CACNA1S: variants seen among roughly 807,000 people sequenced by gnomAD.
CACNA1S encodes calcium voltage-gated channel subunit alpha1 S.
CACNA1S carries 126 observed loss-of-function variants against 207.4 expected under a neutral mutation model. The observed-to-expected ratio is 0.61, with a 90% CI of 0.53 to 0.70. The LOEUF (loss-of-function observed/expected upper bound fraction) is 0.70, where lower values mean the gene tolerates loss of function less well. Ranked by LOEUF, CACNA1S falls within the 30% of genes least tolerant of loss-of-function variation. The pLI, the probability that CACNA1S is intolerant of heterozygous loss-of-function variation, is 0.00. For synonymous variants in CACNA1S, 960 were observed against 932.7 expected, an observed-to-expected ratio of 1.03 and a Z score of -0.53; for missense variants, 2,349 against 2,422.8, an observed-to-expected ratio of 0.97 and a Z score of 0.64.
At position 201,077,895 on chromosome 1, in the gene CACNA1S, T is replaced by C. The variant is rs1196609043; in HGVS notation, c.1603A>G (p.Ile535Val). The change falls in exon 11 of 44, where the codon ATC (isoleucine) becomes GTC (valine). Residue 535 changes from isoleucine (I) to valine (V), a missense_variant. Physicochemically the swap from Ile to Val is conservative, Grantham distance 29 (BLOSUM62 3). Coordinates refer to ENST00000362061, the MANE Select transcript of CACNA1S (RefSeq NM_000069.3). ...SVLRCIRLLR[I>V]FKITKYWTSL... ...GGCACTCACTTGGTGATCTTGAAGA[T>C]CCTCAGGAGGCGGATGCAGCGGAGC... 1 of 1,613,814 alleles carries C rather than the reference T, an allele frequency of 6.2e-7. No individual in the cohort carries two copies.
chr1:201,096,874 G>C (rs6677721), intron 2 of CACNA1S, among the ~76,000 whole-genome samples: 38,026 of 152,134 alleles, frequency 0.25, 5,014 homozygotes, highest in Middle Eastern at 0.32. Context: ...TGTTCTATTG[G>C]TTTTCACAGA....
In CACNA1S at chr1:201,043,458, T is replaced by C; in HGVS notation, c.4871A>G (p.Asn1624Ser). The change falls in exon 40 of 44, where the codon AAT (asparagine) becomes AGT (serine). Residue 1624 changes from asparagine to serine, a missense_variant. Transcript: ENST00000362061. ...CTCAGCAAACTGGAGGGGTCTCTGA[T>C]TGGCCATGACGGGGGGCAGGGAGTT... ...RTNSLPPVMA[N>S]QRPLQFAEIE... 2 of 1,614,058 alleles carry C rather than the reference T, an allele frequency of 1.2e-6. No individual in the cohort carries two copies. Among genetic ancestry groups the C allele is most frequent in the Non-Finnish European group, 8.5e-7 (1 of 1,180,014 alleles).
At chr1:201,097,610 G>A (rs1042420998) in intron 2 of CACNA1S, among the ~76,000 whole-genome samples, 16 of 152,294 alleles carry the variant, frequency 1.1e-4, no homozygotes, top group South Asian at 2.1e-4. Context: ...CTGACAGACC[G>A]CAGCTTCCTT....
rs1190956053 is a variant in CACNA1S at position 201,058,443 on chromosome 1, C to T, written c.3574G>A (p.Gly1192Ser). 6.2e-7 allele frequency: 1 copy of T among 1,614,058 alleles called. No homozygotes were observed. Among genetic ancestry groups the T allele is most frequent in the Non-Finnish European group, 8.5e-7 (1 of 1,180,012 alleles). Reference protein sequence around the residue: ...WNVFDFLIVIGSIIDVILSEI... With the variant: ...WNVFDFLIVISSIIDVILSEI... ...CTGAGGATGACATCAATGATGCTGC[C>T]AATGACAATCAGGAAGTCAAACACA... Residue 1192 changes from glycine (G) to serine (S), a missense_variant, in exon 28 of 44, where the codon GGC (glycine) becomes AGC (serine). Coordinates refer to ENST00000362061, the MANE Select transcript of CACNA1S (RefSeq NM_000069.3).
chr1:201,094,691 ATTGGCTTCCT>A (rs1662354656), intron 2 of CACNA1S, among the ~76,000 whole-genome samples: 1 of 151,996 alleles, frequency 6.6e-6, no homozygotes, highest in Non-Finnish European at 1.5e-5. Context: ...CTGCCCTCAC[ATTGGCTTCCT>A]TTAGGCAGCC....
Position 201,075,703 on chromosome 1 carries a change from A to G in CACNA1S, c.1828-88T>C, listed in dbSNP as rs1197798549. 7.7e-6 allele frequency: 11 copies of G among 1,429,368 alleles called. No individual in the cohort carries two copies. The East Asian group carries it at 2.3e-4, about 30-fold the overall frequency. The allele number at this position is 1,429,368 out of a possible 1,614,324, so 88.5% of individuals were successfully genotyped here. A position where few individuals can be genotyped will look rare whatever the true frequency, so the allele number is the denominator to read the frequency against. On this transcript the variant is annotated intron_variant, in intron 12 of 43. Coordinates refer to ENST00000362061, the MANE Select transcript of CACNA1S (RefSeq NM_000069.3). ...CCGCATTGACCGAAGTTCTCCTCCAACTCTGTGGTTCTCTCAGACCTTCCC... is the reference window on the plus strand; with the variant it reads ...CCGCATTGACCGAAGTTCTCCTCCAGCTCTGTGGTTCTCTCAGACCTTCCC...
At chr1:201,047,264 C>T (rs757379704) in intron 37 of CACNA1S, 25 bp from the exon 38 acceptor site, 2 of 1,614,144 alleles carry the variant, frequency 1.2e-6, no homozygotes, top group Admixed American at 1.7e-5. Context: ...ACAAGAGATG[C>T]CCTGAAGGCT....
chr1:201,085,499 G>T lies in CACNA1S; in HGVS notation c.1087C>A (p.Leu363Ile), dbSNP rs774552212. ...LREKQQLDED[L>I]RGYMSWITQG... ...GTGATCCAGCTCATGTAGCCCCGAA[G>T]GTCCTCATCTAGTTGCTGCTTCTCC... is the stretch of plus-strand genomic sequence containing the variant. The change falls in exon 8 of 44, where the codon CTT becomes ATT. Residue 363 changes from leucine to isoleucine, a missense_variant. Leu to Ile is a conservative substitution (Grantham distance 5). Coordinates refer to ENST00000362061, the MANE Select transcript of CACNA1S (RefSeq NM_000069.3). 6.2e-6 allele frequency: 10 copies of T among 1,613,156 alleles called. No homozygotes were observed. Among genetic ancestry groups the T allele is most frequent in the Middle Eastern group, 1.6e-4 (1 of 6,084 alleles).
At chr1:201,106,621 G>A (rs567468762) in intron 2 of CACNA1S, among the ~76,000 whole-genome samples, 5 of 152,256 alleles carry the variant, frequency 3.3e-5, no homozygotes, top group African/African-American at 9.6e-5. Flanking sequence ...TCAGCCTACT[G>A]TGGTGTCTTT....
In CACNA1S at chr1:201,091,715, C is replaced by A; in HGVS notation, c.619G>T (p.Val207Phe). 1 of 1,614,056 alleles carries A rather than the reference C, an allele frequency of 6.2e-7. No homozygotes were observed. Reference sequence around the variant, plus strand: ...AGCCCGATGATGGCATAGATGATGACCATAAAGAGGACCAGCAGGGCGATG... The same window carrying A: ...AGCCCGATGATGGCATAGATGATGAACATAAAGAGGACCAGCAGGGCGATG... ...FHIALLVLFM[V>F]IIYAIIGLEL... The change falls in exon 5 of 44, where the codon GTC becomes TTC. Residue 207 changes from valine to phenylalanine, a missense_variant. Val to Phe is a conservative substitution (Grantham distance 50). Transcript: ENST00000362061.
chr1:201,073,675 C>A (rs1390339691), intron 14 of CACNA1S, 33 bp from the exon 15 acceptor site: 1 of 1,546,358 alleles, frequency 6.5e-7, no homozygotes, highest in East Asian at 2.2e-5. Context: ...GAAGCCAAAC[C>A]AGAAAGTTCT....
chr1:201,077,038 A>G lies in CACNA1S; in HGVS notation c.1709T>C (p.Ile570Thr). 1 of 1,614,254 alleles carries G rather than the reference A, an allele frequency of 6.2e-7. No individual in the cohort carries two copies. Among genetic ancestry groups the G allele is most frequent in the South Asian group, 1.1e-5 (1 of 91,090 alleles). The change falls in exon 12 of 44, where the codon ATC becomes ACC. Residue 570 changes from isoleucine to threonine, a missense_variant. By Grantham distance (89) the Ile-to-Thr change is moderately conservative. Transcript: ENST00000362061. The part of the protein sequence containing the change: ...ASLLLLLFLF[I>T]VIFALLGMQL... Reference sequence around the variant, plus strand: ...CATGCCCAGGAGGGCGAAGATGACGATGAAGAGGAAGAGCAGCAGCAGCAG... The same window carrying G: ...CATGCCCAGGAGGGCGAAGATGACGGTGAAGAGGAAGAGCAGCAGCAGCAG...
rs1404322742 is a variant in CACNA1S, at chr1:201,049,096, C to T, written c.4245G>A (p.Gly1415=). The change falls in exon 35 of 44, where the codon GGG becomes GGA. Residue 1415 remains glycine (G), a synonymous_variant. Transcript: ENST00000362061. ...IWAEYDPEAK[G]RIKHLDVVTL... is the part of the protein sequence containing the mutation. ...TCACCACGTCCAGGTGTTTGATTCT[C>T]CCCCTGCGGGAGGACACACAGACTT... 2 of 1,609,372 alleles carry T rather than the reference C, an allele frequency of 1.2e-6. No homozygotes were observed. Among genetic ancestry groups the T allele is most frequent in the Admixed American group, 1.7e-5 (1 of 59,672 alleles).
rs1420406971 is a variant in CACNA1S, at chr1:201,112,220, C to T, written c.120G>A (p.Leu40=). The change falls in exon 1 of 44, where the codon CTG becomes CTA. Residue 40 remains leucine (L), a synonymous_variant. Coordinates refer to ENST00000362061, the MANE Select transcript of CACNA1S (RefSeq NM_000069.3). ...CTACAATGCTGATGCAGGCCTTCCTCAGGGGGTTCTCCAGGGTCAGGCAGA... is the reference window on the plus strand; with the variant it reads ...CTACAATGCTGATGCAGGCCTTCCTTAGGGGGTTCTCCAGGGTCAGGCAGA... ...ALFCLTLENP[L]RKACISIVEW... The T allele has an allele frequency of 2.0e-5, 32 of 1,613,828 alleles. No individual in the cohort carries two copies. Among genetic ancestry groups the T allele is most frequent in the Non-Finnish European group, 2.6e-5 (31 of 1,179,966 alleles).
At position 201,069,564 on chromosome 1, in the gene CACNA1S, A is replaced by C. The variant is rs1001861334; in HGVS notation, c.2398T>G (p.Trp800Gly). 3 of 1,568,208 alleles carry C rather than the reference A, an allele frequency of 1.9e-6. No individual in the cohort carries two copies. The African/African-American group carries it at 4.0e-5, about 21-fold the overall frequency. The change falls in exon 18 of 44, where the codon TGG becomes GGG. Residue 800 changes from tryptophan to glycine, a missense_variant. Physicochemically the swap from Trp to Gly is radical, Grantham distance 184. Coordinates refer to ENST00000362061, the MANE Select transcript of CACNA1S (RefSeq NM_000069.3). ...AAGAGCAGGATGAAGTTGGTAAACCAGGTGGCATTGACGATGCGGTGACAC... is the reference window on the plus strand; with the variant it reads ...AAGAGCAGGATGAAGTTGGTAAACCCGGTGGCATTGACGATGCGGTGACAC... ...VLCHRIVNAT[W>G]FTNFILLFIL...
Position 201,049,033 on chromosome 1 carries a change from C to A in CACNA1S, c.4308G>T (p.Gly1436=), listed in dbSNP as rs758009532. The part of the protein sequence containing the change: ...LRRIQPPLGF[G]KFCPHRVACK... ...AAGCTACCCGATGTGGGCAGAACTT[C>A]CCAAAGCCCAGAGGGGGCTGAATCC... The change falls in exon 35 of 44, where the codon GGG becomes GGT. Residue 1436 remains glycine, a synonymous_variant. Coordinates refer to ENST00000362061, the MANE Select transcript of CACNA1S (RefSeq NM_000069.3). 1 of 1,613,938 alleles carries A rather than the reference C, an allele frequency of 6.2e-7. No homozygotes were observed. Among genetic ancestry groups the A allele is most frequent in the Non-Finnish European group, 8.5e-7 (1 of 1,179,934 alleles).
intron 22 of CACNA1S, among the ~76,000 whole-genome samples, chr1:201,065,343 C>A (rs1183986871): frequency 6.6e-6 from 1 of 152,204 alleles, no homozygotes; most frequent in Non-Finnish European, 1.5e-5. Flanking sequence ...AAGCTATTAA[C>A]CATCATTGAA....
chr1:201,040,562 A>G (rs1260479913), intron 42 of CACNA1S, 60 bp downstream of exon 42: 12 of 1,517,960 alleles, frequency 7.9e-6, no homozygotes, highest in Non-Finnish European at 1.1e-5. Context: ...TCCCACTCCA[A>G]GTATCAGGCC....
Position 201,061,861 on chromosome 1 carries a change from G to T in CACNA1S, c.3053+83C>A, listed in dbSNP as rs905447362. 16 of 1,499,154 alleles carry T rather than the reference G, an allele frequency of 1.1e-5. No individual in the cohort carries two copies. The South Asian group carries it at 1.6e-4, about 15-fold the overall frequency. The allele number at this position is 1,499,154 out of a possible 1,614,324, so 92.9% of individuals were successfully genotyped here. On this transcript the variant is annotated intron_variant, in intron 24 of 43. Transcript: ENST00000362061. The stretch of plus-strand genomic sequence containing the variant: ...GCCTGCCACAGGTAGCAGTAGCACC[G>T]TGGGGGCTGCAGAAGGGCAGGCTGG...
Sources: gnomAD v4.1 joint callset for allele counts (sites outside exome capture counted in the v4.1 genomes callset) on GRCh38, gnomAD v4.1.1 for gene constraint, MANE v1.5 for transcripts, NCBI Gene and HGNC (gene_info 2026-07-23, HGNC 2026-07-21) for gene names.